The following CTNNA3 variants were observed in gnomAD, a reference collection of about 807,000 sequenced individuals.
The protein encoded by CTNNA3 is catenin alpha 3.
A neutral mutation model predicts 95.7 loss-of-function variants in CTNNA3; 76 were observed. That is an observed-to-expected ratio of 0.79 (90% CI 0.66 to 0.96). CTNNA3 has a LOEUF of 0.96. Ranked by LOEUF, CTNNA3 falls within the 40% of genes least tolerant of loss-of-function variation. The pLI is 0.00. For synonymous variants in CTNNA3, 431 were observed against 374.4 expected, an observed-to-expected ratio of 1.15 and a Z score of -1.74; for missense variants, 1,191 against 1,089.8, an observed-to-expected ratio of 1.09 and a Z score of -1.31.
intron 12 of CTNNA3, among the ~76,000 whole-genome samples, chr10:66,281,132 C>T (rs2091484436): frequency 1.3e-5 from 2 of 151,700 alleles, no homozygotes; most frequent in South Asian, 4.2e-4. Flanking sequence ...TGTAAACTTC[C>T]TTTTAGTAAG....
At chr10:66,060,121 T>C (rs1169485552) in intron 15 of CTNNA3, among the ~76,000 whole-genome samples, 1 of 152,026 alleles carries the variant, frequency 6.6e-6, no homozygotes, top group East Asian at 1.9e-4. Context: ...CTGGAAGTTA[T>C]ACCTAGAGCC....
intron 5 of CTNNA3, among the ~76,000 whole-genome samples, chr10:67,398,612 C>G (rs1228990056): frequency 3.3e-5 from 5 of 152,092 alleles, no homozygotes; most frequent in Non-Finnish European, 5.9e-5. Context: ...TGTGATGACA[C>G]AAGATTTGGG....
At chr10:66,616,153 T>C (rs1844504061) in intron 10 of CTNNA3, among the ~76,000 whole-genome samples, 1 of 151,916 alleles carries the variant, frequency 6.6e-6, no homozygotes, top group Non-Finnish European at 1.5e-5. Flanking sequence ...CATTAGAGGA[T>C]CTAAGGATTG....
At chr10:67,736,385 T>C (rs1035401880) in intron 1 of CTNNA3, among the ~76,000 whole-genome samples, 6 of 152,152 alleles carry the variant, frequency 3.9e-5, no homozygotes, top group African/African-American at 1.2e-4. Flanking sequence ...ATGTATTTAA[T>C]GTTCCTGAAT....
chr10:66,804,047 G>C (rs1020251879), intron 7 of CTNNA3, among the ~76,000 whole-genome samples: 2 of 151,234 alleles, frequency 1.3e-5, no homozygotes, highest in African/African-American at 4.9e-5. Context: ...AATATGATCA[G>C]ACAAAAGTGT....
At chr10:66,638,905 A>G (rs1845425017) in intron 9 of CTNNA3, among the ~76,000 whole-genome samples, 1 of 150,250 alleles carries the variant, frequency 6.7e-6, no homozygotes, top group Non-Finnish European at 1.5e-5. Context: ...CCTTTTTCAC[A>G]TCACTGTCTC....
intron 7 of CTNNA3, among the ~76,000 whole-genome samples, chr10:66,827,125 T>C (rs1842544192): frequency 6.6e-6 from 1 of 152,206 alleles, no homozygotes; most frequent in African/African-American, 2.4e-5. Flanking sequence ...AGCTGCAGGC[T>C]ATCTACTAGT....
chr10:66,882,377 T>C (rs960604537), intron 7 of CTNNA3, among the ~76,000 whole-genome samples: 2 of 152,156 alleles, frequency 1.3e-5, no homozygotes, highest in Non-Finnish European at 2.9e-5. Flanking sequence ...GGCATCCCAG[T>C]GCTTTTGGCC....
chr10:66,534,897 C>G (rs980940098), intron 10 of CTNNA3, among the ~76,000 whole-genome samples: 4 of 151,456 alleles, frequency 2.6e-5, no homozygotes, highest in African/African-American at 9.7e-5. Flanking sequence ...GAAAAAAAAG[C>G]ATGTTTTCTC....
chr10:66,562,735 G>A (rs951410669), intron 10 of CTNNA3, among the ~76,000 whole-genome samples: 3 of 151,690 alleles, frequency 2.0e-5, no homozygotes, highest in African/African-American at 7.3e-5. Context: ...TTAGTTTATT[G>A]ATTGTAAAAT....
intron 5 of CTNNA3, among the ~76,000 whole-genome samples, chr10:67,351,809 A>G (rs1842648736): frequency 6.6e-6 from 1 of 152,002 alleles, no homozygotes; most frequent in Admixed American, 6.6e-5. Flanking sequence ...CTGTTTCCTA[A>G]CAAGAGGAAA....
At chr10:67,591,301 T>C (rs1485478331) in intron 3 of CTNNA3, among the ~76,000 whole-genome samples, 1 of 152,062 alleles carries the variant, frequency 6.6e-6, no homozygotes, top group African/African-American at 2.4e-5. Context: ...TAATACACAA[T>C]ATCCAGCATC....
At position 66,353,738 on chromosome 10, in the gene CTNNA3, A is replaced by G. The variant is rs144657376; in HGVS notation, c.1732+25414T>C. ...TTTCAGGAGTTGATGTAGAAAAAAA[A>G]ATCAGGAAGGAGGAACTGGAGATTA... On this transcript the variant is annotated intron_variant, in intron 12 of 17. Transcript: ENST00000433211. 1.8e-4 allele frequency among the ~76,000 whole-genome samples: 27 copies of G among 152,182 alleles called. No individual in the cohort carries two copies. In the East Asian group the frequency reaches 5.0e-3, roughly 28 times the overall value.
At chr10:66,081,592 A>G (rs888065796) in intron 14 of CTNNA3, among the ~76,000 whole-genome samples, 1 of 152,204 alleles carries the variant, frequency 6.6e-6, no homozygotes, top group Non-Finnish European at 1.5e-5. Context: ...ACTACAATAA[A>G]TATCCATGAG....
At chr10:67,101,758 T>G (rs574966499) in intron 7 of CTNNA3, among the ~76,000 whole-genome samples, 9 of 151,762 alleles carry the variant, frequency 5.9e-5, no homozygotes, top group African/African-American at 2.2e-4. Context: ...GAAAAAAAAA[T>G]TTTCTAAAAT....
At chr10:66,723,341 A>T (rs1267764806) in intron 9 of CTNNA3, among the ~76,000 whole-genome samples, 1 of 152,102 alleles carries the variant, frequency 6.6e-6, no homozygotes, top group African/African-American at 2.4e-5. Context: ...CTACCATCCT[A>T]CCCAAGGGCC....
At chr10:66,604,453 C>A (rs1844044733) in intron 10 of CTNNA3, among the ~76,000 whole-genome samples, 1 of 152,188 alleles carries the variant, frequency 6.6e-6, no homozygotes, top group South Asian at 2.1e-4. Flanking sequence ...GAGCGTGCAC[C>A]CTGCCATGCT....
chr10:66,764,960 T>G (rs1839780277), intron 9 of CTNNA3, among the ~76,000 whole-genome samples: 1 of 152,178 alleles, frequency 6.6e-6, no homozygotes, highest in Admixed American at 6.6e-5. Flanking sequence ...CCAACTCTAA[T>G]TAGCTTGGTT....
intron 16 of CTNNA3, among the ~76,000 whole-genome samples, chr10:65,974,361 T>A (rs543797716): frequency 6.6e-6 from 1 of 152,094 alleles, no homozygotes; most frequent in African/African-American, 2.4e-5. Flanking sequence ...CAATGGTGGA[T>A]TGAATAAATA....
Sources: gnomAD v4.1 joint callset for allele counts (sites outside exome capture counted in the v4.1 genomes callset) on GRCh38, gnomAD v4.1.1 for gene constraint, MANE v1.5 for transcripts, NCBI Gene and HGNC (gene_info 2026-07-23, HGNC 2026-07-21) for gene names.